The following FRYL variants were observed in gnomAD, a reference collection of about 807,000 sequenced individuals.
FRYL encodes protein furry homolog-like.
A neutral mutation model predicts 351.2 loss-of-function variants in FRYL; 150 were observed. The ratio of observed to expected loss-of-function variants is 0.43; its 90% CI spans 0.37 to 0.49. FRYL has a LOEUF of 0.49. Among genes scored for constraint, FRYL ranks in the 20% least tolerant of loss-of-function variants. FRYL has a pLI of 0.00. For missense variants in FRYL, 3,036 were observed against 3,619.3 expected (o/e 0.84, Z 4.13); for synonymous variants, 1,153 against 1,257.1 (o/e 0.92, Z 1.75).
rs532215628 is a variant in FRYL at position 48,723,498 on chromosome 4, C to T, written c.-383-12800G>A. Among the ~76,000 whole-genome samples, 5 of 152,296 alleles carry T rather than the reference C, an allele frequency of 3.3e-5. No homozygotes were observed. The East Asian group carries it at 9.6e-4, about 29-fold the overall frequency. ...GCTCCCAGTCTTGCTCCTTACTAAA[C>T]TCCTTACTAAATAATACCATCCTTA... On this transcript the variant is annotated intron_variant, in intron 1 of 63. Coordinates refer to ENST00000358350, the MANE Select transcript of FRYL (RefSeq NM_015030.2).
At chr4:48,514,438 A>G (rs1043307776) in intron 56 of FRYL, among the ~76,000 whole-genome samples, 5 of 152,190 alleles carry the variant, frequency 3.3e-5, no homozygotes, top group Non-Finnish European at 7.3e-5. Flanking sequence ...ACATATGATT[A>G]TTATGATTAT....
rs570978969 is a variant in FRYL, at chr4:48,641,702, A to T, written c.-80-7212T>A. ...CAAACTTGCATCCTGGTTGCTAAGA[A>T]CTTTCCCATCAATAACTTTATTTCT... is the stretch of plus-strand genomic sequence containing the variant. On this transcript the variant is annotated intron_variant, in intron 3 of 63. Transcript: ENST00000358350. Among the ~76,000 whole-genome samples, 4 of 152,296 alleles carry T rather than the reference A, an allele frequency of 2.6e-5. No individual in the cohort carries two copies. The South Asian group carries it at 8.3e-4, about 32-fold the overall frequency.
intron 1 of FRYL, among the ~76,000 whole-genome samples, chr4:48,779,480 G>A (rs1205614300): frequency 6.6e-6 from 1 of 152,138 alleles, no homozygotes; most frequent in Non-Finnish European, 1.5e-5. Context: ...CAAGGGAAAA[G>A]GCGGACAATG....
At chr4:48,638,928 G>C (rs1338095335) in intron 3 of FRYL, among the ~76,000 whole-genome samples, 1 of 152,026 alleles carries the variant, frequency 6.6e-6, no homozygotes, top group East Asian at 1.9e-4. Context: ...GACACAGGGA[G>C]GGGAACATCA....
At chr4:48,771,882 A>T (rs1775552787) in intron 1 of FRYL, among the ~76,000 whole-genome samples, 1 of 152,266 alleles carries the variant, frequency 6.6e-6, no homozygotes, top group African/African-American at 2.4e-5. Context: ...ATGGGCAGGC[A>T]TAATGAGAGC....
intron 1 of FRYL, among the ~76,000 whole-genome samples, chr4:48,779,773 A>T (rs1776463652): frequency 6.6e-6 from 1 of 151,608 alleles, no homozygotes; most frequent in Admixed American, 6.6e-5. Flanking sequence ...GGGGAAGGGG[A>T]CGTGCGGGAG....
At chr4:48,660,654 T>C (rs1760509685) in intron 3 of FRYL, among the ~76,000 whole-genome samples, 3 of 152,172 alleles carry the variant, frequency 2.0e-5, no homozygotes, top group Admixed American at 6.5e-5. Flanking sequence ...GGTAATTTCA[T>C]TATGGAGAAA....
At chr4:48,601,513 A>G (rs1401301490) in intron 13 of FRYL, among the ~76,000 whole-genome samples, 1 of 152,170 alleles carries the variant, frequency 6.6e-6, no homozygotes, top group Admixed American at 6.5e-5. Flanking sequence ...AATGACAAGT[A>G]CCCTTTCATT....
intron 1 of FRYL, among the ~76,000 whole-genome samples, chr4:48,757,996 T>G (rs1773978093): frequency 6.6e-6 from 1 of 152,230 alleles, no homozygotes; most frequent in African/African-American, 2.4e-5. Flanking sequence ...AAGGATTCCC[T>G]ATTTAATAAA....
intron 1 of FRYL, among the ~76,000 whole-genome samples, chr4:48,779,670 C>A (rs1016966860): frequency 1.3e-4 from 19 of 151,970 alleles, no homozygotes; most frequent in African/African-American, 4.6e-4. Context: ...TCCCGCGAGT[C>A]GGTGGCGAGG....
chr4:48,595,753 C>CA, intron 14 of FRYL, 55 bp from the exon 15 acceptor site: 1 of 1,245,236 alleles, frequency 8.0e-7, no homozygotes, highest in East Asian at 2.4e-5. Flanking sequence ...AGCATATTAG[C>CA]AAAAAATTCT....
At chr4:48,776,329 T>A (rs2109439017) in intron 1 of FRYL, among the ~76,000 whole-genome samples, 1 of 152,174 alleles carries the variant, frequency 6.6e-6, no homozygotes, top group East Asian at 1.9e-4. Flanking sequence ...ATATTAATAT[T>A]TTACAACAAG....
At chr4:48,668,472 T>C (rs572542874) in intron 3 of FRYL, among the ~76,000 whole-genome samples, 1 of 152,186 alleles carries the variant, frequency 6.6e-6, no homozygotes, top group Non-Finnish European at 1.5e-5. Flanking sequence ...CTAGATGGTT[T>C]TGAAGGACAA....
At chr4:48,535,325 A>AT (rs1190125390) in intron 48 of FRYL, among the ~76,000 whole-genome samples, 1 of 152,126 alleles carries the variant, frequency 6.6e-6, no homozygotes, top group African/African-American at 2.4e-5. Flanking sequence ...GGTAAAGTGT[A>AT]TATTATTTTG....
chr4:48,647,858 A>G (rs1756848945), intron 3 of FRYL, among the ~76,000 whole-genome samples: 1 of 152,206 alleles, frequency 6.6e-6, no homozygotes, highest in African/African-American at 2.4e-5. Context: ...TATTCTGACA[A>G]TAAGCAATAG....
intron 24 of FRYL, among the ~76,000 whole-genome samples, chr4:48,575,607 C>T (rs1739431761): frequency 6.6e-6 from 1 of 152,184 alleles, no homozygotes; most frequent in South Asian, 2.1e-4. Flanking sequence ...TAAGTTTTGT[C>T]ATTTTCATGA....
chr4:48,583,301 G>A (rs374101178), intron 19 of FRYL, among the ~76,000 whole-genome samples: 10 of 151,924 alleles, frequency 6.6e-5, no homozygotes, highest in African/African-American at 9.7e-5. Context: ...GCAGGTGCCC[G>A]CCACCACACC....
chr4:48,662,014 C>T (rs935972023), intron 3 of FRYL, among the ~76,000 whole-genome samples: 3 of 152,084 alleles, frequency 2.0e-5, no homozygotes, highest in Non-Finnish European at 2.9e-5. Context: ...TAGAAACTCT[C>T]CAAAGTGAAG....
intron 4 of FRYL, among the ~76,000 whole-genome samples, chr4:48,624,287 T>C (rs769512738): frequency 9.9e-5 from 15 of 152,102 alleles, no homozygotes; most frequent in African/African-American, 3.1e-4. Context: ...CAAACAAATA[T>C]TGAGTTCCTT....
Sources: allele counts gnomAD v4.1 joint callset (sites outside exome capture counted in the v4.1 genomes callset), GRCh38; gene constraint gnomAD v4.1.1; transcripts MANE v1.5; gene names NCBI Gene and HGNC (gene_info 2026-07-23, HGNC 2026-07-21).